Variants in MAGI2 observed in about 807,000 individuals in gnomAD.
MAGI2 encodes membrane-associated guanylate kinase, WW and PDZ domain-containing protein 2.
MAGI2 carries 35 observed loss-of-function variants against 133.3 expected under a neutral mutation model. That is an observed-to-expected ratio of 0.26 (90% CI 0.20 to 0.35). The LOEUF (loss-of-function observed/expected upper bound fraction) is 0.35, where lower values mean the gene tolerates loss of function less well. Ranked by LOEUF, MAGI2 falls within the 10% of genes least tolerant of loss-of-function variation. The probability of loss-of-function intolerance (pLI) is 1.00; values close to 1 mark genes in which losing one functional copy is unlikely to be tolerated. For missense variants in MAGI2, 1,636 were observed against 1,863.4 expected (o/e 0.88, Z 2.25); for synonymous variants, 729 against 710.6 (o/e 1.03, Z -0.41).
intron 1 of MAGI2, among the ~76,000 whole-genome samples, chr7:79,151,564 T>G (rs1350965438): frequency 6.6e-6 from 1 of 152,128 alleles, no homozygotes; most frequent in Admixed American, 6.6e-5. Flanking sequence ...ATATCAAGTA[T>G]AGTGTGACTG....
chr7:78,452,654 A>T (rs2151486747), intron 6 of MAGI2, among the ~76,000 whole-genome samples: 1 of 152,030 alleles, frequency 6.6e-6, no homozygotes, highest in South Asian at 2.1e-4. Flanking sequence ...TGTAGAATGT[A>T]AAAAGCAACC....
At chr7:78,134,735 C>A in intron 17 of MAGI2, 1 of 278,282 alleles carries the variant, frequency 3.6e-6, no homozygotes, top group Non-Finnish European at 6.7e-6. Flanking sequence ...AAGTGGGGGC[C>A]CACAGGGAAT....
chr7:78,437,816 T>C (rs12530980), intron 6 of MAGI2, among the ~76,000 whole-genome samples: 30,042 of 152,200 alleles, frequency 0.2, 3,122 homozygotes, highest in East Asian at 0.33. Flanking sequence ...TATGAAAGTT[T>C]ATAATTTAAT....
chr7:78,167,801 TCCTC>T, intron 15 of MAGI2, 111 bp downstream of exon 15: 2 of 942,630 alleles, frequency 2.1e-6, no homozygotes, highest in Non-Finnish European at 1.6e-6. Context: ...GTTGTTTCCT[TCCTC>T]ATATAATGTA....
rs188690006 is a variant in MAGI2 at position 78,389,827 on chromosome 7, A to G, written c.1046-20614T>C. On this transcript the variant is annotated intron_variant, in intron 6 of 21. Transcript: ENST00000354212. ...ATTGCCCTAACACAGACGTCAGAAA[A>G]GCACATGTGGATTAAAGAAAATGTT... Among the ~76,000 whole-genome samples the G allele has an allele frequency of 1.2e-4, 18 of 152,332 alleles. No homozygotes were observed. The East Asian group carries it at 3.5e-3, about 29-fold the overall frequency.
chr7:78,685,757 G>T lies in MAGI2; in HGVS notation c.419-58518C>A, dbSNP rs183409250. 2.0e-5 allele frequency among the ~76,000 whole-genome samples: 3 copies of T among 151,984 alleles called. No homozygotes were observed. In the East Asian group the frequency reaches 5.8e-4, roughly 30 times the overall value. On this transcript the variant is annotated intron_variant, in intron 2 of 21. Transcript: ENST00000354212. ...AACTGATAGGTGATAGGGAGACAAA[G>T]AAGGGGATAAAGAGAGACAAGGAGA...
At chr7:78,839,224 C>T (rs910698874) in intron 2 of MAGI2, among the ~76,000 whole-genome samples, 3 of 152,016 alleles carry the variant, frequency 2.0e-5, no homozygotes, top group Non-Finnish European at 2.9e-5. Flanking sequence ...TTTCTCTAAA[C>T]TTCAGAATTT....
intron 3 of MAGI2, among the ~76,000 whole-genome samples, chr7:78,535,779 G>T (rs1008081169): frequency 6.6e-6 from 1 of 151,958 alleles, no homozygotes; most frequent in African/African-American, 2.4e-5. Flanking sequence ...TAAAACCTGA[G>T]ATCAGTGCTT....
At chr7:78,280,407 C>T (rs904671990) in intron 9 of MAGI2, among the ~76,000 whole-genome samples, 1 of 152,098 alleles carries the variant, frequency 6.6e-6, no homozygotes, top group African/African-American at 2.4e-5. Context: ...ACTTTCTCAG[C>T]TTACAACATA....
chr7:78,465,614 C>T (rs1167182199), intron 6 of MAGI2, among the ~76,000 whole-genome samples: 1 of 152,108 alleles, frequency 6.6e-6, no homozygotes, highest in African/African-American at 2.4e-5. Context: ...GAGGTTTCTT[C>T]CAGACCATGA....
At chr7:78,248,474 T>C (rs1792031648) in intron 10 of MAGI2, among the ~76,000 whole-genome samples, 1 of 152,096 alleles carries the variant, frequency 6.6e-6, no homozygotes, top group South Asian at 2.1e-4. Flanking sequence ...AAGACACAGA[T>C]TTGCTGAATA....
intron 4 of MAGI2, among the ~76,000 whole-genome samples, chr7:78,516,053 GT>G (rs779867412): frequency 3.3e-5 from 5 of 152,172 alleles, no homozygotes; most frequent in Admixed American, 6.5e-5. Flanking sequence ...GAGATGATCA[GT>G]TTTTACTTTT....
chr7:79,321,914 A>C (rs1839214297), intron 1 of MAGI2, among the ~76,000 whole-genome samples: 1 of 152,156 alleles, frequency 6.6e-6, no homozygotes, highest in Non-Finnish European at 1.5e-5. Context: ...GGTGGCTCTA[A>C]TGTGGTTACT....
At chr7:79,404,504 A>C (rs1457480022) in intron 1 of MAGI2, among the ~76,000 whole-genome samples, 1 of 152,048 alleles carries the variant, frequency 6.6e-6, no homozygotes, top group African/African-American at 2.4e-5. Context: ...TTCAGCCTTT[A>C]ACATTTCTTC....
chr7:79,258,312 T>C (rs942097139), intron 1 of MAGI2, among the ~76,000 whole-genome samples: 10 of 152,224 alleles, frequency 6.6e-5, no homozygotes, highest in African/African-American at 2.2e-4. Flanking sequence ...GAAAATAAAT[T>C]GCTTTTAAAT....
chr7:78,472,770 G>T (rs1443101692), intron 6 of MAGI2, among the ~76,000 whole-genome samples: 1 of 152,128 alleles, frequency 6.6e-6, no homozygotes, highest in African/African-American at 2.4e-5. Context: ...CTAAACATAT[G>T]CTGTTGTTTG....
At chr7:78,675,053 A>G (rs1408998447) in intron 2 of MAGI2, among the ~76,000 whole-genome samples, 3 of 152,196 alleles carry the variant, frequency 2.0e-5, no homozygotes, top group African/African-American at 7.2e-5. Context: ...CTGGGTCAAA[A>G]AACTTCAGAA....
At chr7:79,149,169 T>G (rs1040536101) in intron 1 of MAGI2, among the ~76,000 whole-genome samples, 40 of 146,260 alleles carry the variant, frequency 2.7e-4, no homozygotes, top group African/African-American at 9.3e-4. Flanking sequence ...ATTATATATA[T>G]AGACAGAGAA....
chr7:78,949,825 A>G (rs1801721781), intron 2 of MAGI2, among the ~76,000 whole-genome samples: 1 of 152,182 alleles, frequency 6.6e-6, no homozygotes, highest in South Asian at 2.1e-4. Flanking sequence ...GCATAATTGA[A>G]CCAGGATCTA....
Sources: allele counts gnomAD v4.1 joint callset (sites outside exome capture counted in the v4.1 genomes callset), GRCh38; gene constraint gnomAD v4.1.1; transcripts MANE v1.5; gene names NCBI Gene and HGNC (gene_info 2026-07-23, HGNC 2026-07-21).